The following KIF13B variants were observed in gnomAD, a reference collection of about 807,000 sequenced individuals.
KIF13B encodes the protein kinesin-like protein KIF13B.
A neutral mutation model predicts 222.0 loss-of-function variants in KIF13B; 127 were observed. The observed-to-expected ratio is 0.57, with a 90% CI of 0.50 to 0.66. The LOEUF is 0.66. Among genes scored for constraint, KIF13B ranks in the 30% least tolerant of loss-of-function variants. KIF13B has a pLI of 0.00. For missense variants in KIF13B, 2,173 were observed against 2,379.0 expected, an observed-to-expected ratio of 0.91 and a Z score of 1.80; for synonymous variants, 976 against 919.0, an observed-to-expected ratio of 1.06 and a Z score of -1.12.
intron 1 of KIF13B, among the ~76,000 whole-genome samples, chr8:29,250,960 AGAC>A (rs751698993): frequency 2.0e-5 from 3 of 152,098 alleles, no homozygotes; most frequent in Non-Finnish European, 2.9e-5. Flanking sequence ...GCAGTGGCGT[AGAC>A]AACATGGTGA....
intron 37 of KIF13B, among the ~76,000 whole-genome samples, chr8:29,082,100 A>G (rs1175243439): frequency 6.6e-6 from 1 of 152,176 alleles, no homozygotes; most frequent in Non-Finnish European, 1.5e-5. Context: ...CATTCTAAAG[A>G]CTGTGGTAGG....
Position 29,186,333 on chromosome 8 carries a change from T to C in KIF13B, c.456A>G (p.Glu152=), listed in dbSNP as rs1489923338. The part of the protein sequence containing the change: ...QSFKVEVSYM[E]IYNEKVRDLL... ...GGTCTCGAACTTTTTCATTATAAAT[T>C]TCCATGTAGGACACTTCTACTTTAA... Residue 152 remains glutamate (E), a synonymous_variant, in exon 6 of 40, where the codon GAA becomes GAG. Coordinates refer to ENST00000524189, the MANE Select transcript of KIF13B (RefSeq NM_015254.4). The C allele has an allele frequency of 6.2e-7, 1 of 1,613,236 alleles. No homozygotes were observed. Among genetic ancestry groups the C allele is most frequent in the Admixed American group, 1.7e-5 (1 of 59,852 alleles).
At chr8:29,179,128 AT>A (rs5890442) in intron 8 of KIF13B, among the ~76,000 whole-genome samples, 29 of 149,138 alleles carry the variant, frequency 1.9e-4, no homozygotes, top group South Asian at 6.3e-4. Context: ...ATCAGCTAGA[AT>A]TTTTTTTTTT....
chr8:29,109,326 G>A (rs2133608381), intron 34 of KIF13B, 108 bp downstream of exon 34: 11 of 856,564 alleles, frequency 1.3e-5, no homozygotes, highest in Non-Finnish European at 1.9e-5. Context: ...GTCCTGGCAA[G>A]GGAAGGGTTT....
chr8:29,194,060 A>G (rs1354486801), intron 3 of KIF13B, among the ~76,000 whole-genome samples: 1 of 150,316 alleles, frequency 6.7e-6, no homozygotes, highest in Non-Finnish European at 1.5e-5. Flanking sequence ...TCCTGGCCTC[A>G]TGATCCGCTG....
At chr8:29,177,617 C>A in intron 8 of KIF13B, 39 bp from the exon 9 acceptor site, 3 of 1,360,112 alleles carry the variant, frequency 2.2e-6, no homozygotes, top group Non-Finnish European at 3.2e-6. Flanking sequence ...AACAGGAACA[C>A]AGGGCCAGGT....
At chr8:29,080,402 T>A (rs145410733) in intron 37 of KIF13B, among the ~76,000 whole-genome samples, 153 of 150,718 alleles carry the variant, frequency 1.0e-3, no homozygotes, top group African/African-American at 3.7e-3. Flanking sequence ...AACACTTTTC[T>A]AAGGTTGTCC....
At chr8:29,158,228 G>A (rs1393399243) in intron 13 of KIF13B, among the ~76,000 whole-genome samples, 2 of 152,102 alleles carry the variant, frequency 1.3e-5, no homozygotes, top group African/African-American at 4.8e-5. Flanking sequence ...CCATGACACT[G>A]ACTGACTGTG....
At chr8:29,230,769 G>C (rs1244685446) in intron 2 of KIF13B, among the ~76,000 whole-genome samples, 1 of 152,242 alleles carries the variant, frequency 6.6e-6, no homozygotes, top group South Asian at 2.1e-4. Flanking sequence ...CAAGGGGTCT[G>C]ATATGGGGCA....
intron 2 of KIF13B, among the ~76,000 whole-genome samples, chr8:29,216,075 T>C (rs918065593): frequency 3.9e-5 from 6 of 152,202 alleles, no homozygotes; most frequent in African/African-American, 1.4e-4. Flanking sequence ...TTTAAAGTTG[T>C]TAAATTATTT....
Position 29,112,910 on chromosome 8 carries a change from A to G in KIF13B, c.3930+553T>C, listed in dbSNP as rs563739177. Among the ~76,000 whole-genome samples the G allele has an allele frequency of 2.6e-5, 4 of 152,388 alleles. No individual in the cohort carries two copies. In the South Asian group the frequency reaches 8.3e-4, roughly 32 times the overall value. ...TGAATATCTCAATTAGTTCAGAAAG[A>G]GAAATAATAATAGTACTAATAAAAT... On this transcript the variant is annotated intron_variant, in intron 32 of 39. Coordinates refer to ENST00000524189, the MANE Select transcript of KIF13B (RefSeq NM_015254.4).
chr8:29,196,961 T>C (rs774580433), intron 2 of KIF13B, among the ~76,000 whole-genome samples: 15 of 152,290 alleles, frequency 9.8e-5, no homozygotes, highest in Non-Finnish European at 1.9e-4. Context: ...CTTATTCCTC[T>C]CCGCACACAT....
chr8:29,164,128 T>C (rs993574124), intron 12 of KIF13B, among the ~76,000 whole-genome samples: 1 of 152,232 alleles, frequency 6.6e-6, no homozygotes, highest in East Asian at 1.9e-4. Flanking sequence ...CTAATTTTTA[T>C]CTACTTTGAA....
intron 2 of KIF13B, among the ~76,000 whole-genome samples, chr8:29,237,853 A>G (rs528715474): frequency 6.6e-6 from 1 of 152,316 alleles, no homozygotes; most frequent in African/African-American, 2.4e-5. Flanking sequence ...GTATATTCAA[A>G]AGTAGTAAAT....
intron 27 of KIF13B, 98 bp downstream of exon 27, chr8:29,123,926 G>C: frequency 1.4e-6 from 1 of 714,648 alleles, no homozygotes; most frequent in South Asian, 1.8e-5. Context: ...CATTACTGAT[G>C]TGTTCATCTG....
intron 15 of KIF13B, among the ~76,000 whole-genome samples, chr8:29,149,436 A>G (rs1336347693): frequency 6.6e-6 from 1 of 152,226 alleles, no homozygotes; most frequent in African/African-American, 2.4e-5. Flanking sequence ...ACAAGAGACC[A>G]GGATGTTAAC....
In KIF13B at chr8:29,127,178, T is replaced by A. The variant is rs1810150517; in HGVS notation, c.3166A>T (p.Ile1056Phe). 1.9e-6 allele frequency: 3 copies of A among 1,613,996 alleles called. No homozygotes were observed. The highest frequency in any genetic ancestry group is 2.5e-6 in the Non-Finnish European group (3 of 1,179,866). Residue 1056 changes from isoleucine to phenylalanine, a missense_variant, in exon 25 of 40, where the codon ATT (isoleucine) becomes TTT (phenylalanine). Ile to Phe is a conservative substitution (Grantham distance 21). Coordinates refer to ENST00000524189, the MANE Select transcript of KIF13B (RefSeq NM_015254.4). The stretch of plus-strand genomic sequence containing the variant: ...AGCGGTCTAACTTTGACACATCCAA[T>A]GCCAACAGACAGTATACATTCTTCC... ...LMEECILSVG[I>F]GCVKVRPLRA... is the part of the protein sequence containing the mutation.
chr8:29,164,736 T>C (rs1317369258), intron 12 of KIF13B, among the ~76,000 whole-genome samples: 1 of 152,114 alleles, frequency 6.6e-6, no homozygotes, highest in Non-Finnish European at 1.5e-5. Context: ...AGTTGGAAAA[T>C]CATGAAACAG....
intron 18 of KIF13B, among the ~76,000 whole-genome samples, chr8:29,144,995 G>T (rs1170262252): frequency 6.6e-6 from 1 of 152,148 alleles, no homozygotes; most frequent in East Asian, 1.9e-4. Context: ...AAATCTTTCA[G>T]GTTTCTGCTT....
Sources: allele counts gnomAD v4.1 joint callset (sites outside exome capture counted in the v4.1 genomes callset), GRCh38; gene constraint gnomAD v4.1.1; transcripts MANE v1.5; gene names NCBI Gene and HGNC (gene_info 2026-07-23, HGNC 2026-07-21).